The following SYTL3 variants were observed in gnomAD, a reference collection of about 807,000 sequenced individuals.
The protein encoded by SYTL3 is synaptotagmin-like protein 3.
Under a neutral mutation model 82.1 loss-of-function variants are expected in SYTL3, and 88 were observed. That is an observed-to-expected ratio of 1.07 (90% CI 0.90 to 1.28). The LOEUF (loss-of-function observed/expected upper bound fraction) is 1.28, where lower values mean the gene tolerates loss of function less well. SYTL3 is among the 50% of genes most tolerant of loss of function. The pLI is 0.00. For synonymous variants in SYTL3, 311 were observed against 289.4 expected, an observed-to-expected ratio of 1.07 and a Z score of -0.76; for missense variants, 831 against 757.6, an observed-to-expected ratio of 1.10 and a Z score of -1.14.
chr6:158,738,351 AAAG>A (rs2128500834), intron 11 of SYTL3, among the ~76,000 whole-genome samples: 1 of 152,316 alleles, frequency 6.6e-6, no homozygotes, highest in East Asian at 1.9e-4. Context: ...CCAAGAAAGA[AAAG>A]AATCAGTTTG....
At chr6:158,682,800 A>G in intron 5 of SYTL3, 125 bp from the exon 6 acceptor site, 1 of 671,378 alleles carries the variant, frequency 1.5e-6, no homozygotes, top group Non-Finnish European at 2.6e-6. Flanking sequence ...TTAAGCCAGG[A>G]AATTGATTGC....
At position 158,661,366 on chromosome 6, in the gene SYTL3, T is replaced by A. The variant is rs1789356409; in HGVS notation, c.-539T>A. The A allele has an allele frequency of 6.6e-6, 1 of 152,210 alleles. No individual in the cohort carries two copies. Among genetic ancestry groups the A allele is most frequent in the African/African-American group, 2.4e-5 (1 of 41,442 alleles). 9.4% of individuals were successfully genotyped at this position (152,210 alleles called of 1,614,324 possible). A position where few individuals can be genotyped will look rare whatever the true frequency, so the allele number is the denominator to read the frequency against. ...AGAGGCGTTGCCCCTGCTGGCATAG[T>A]CAGGTACCAGCCCAGCCAGGTAAGA... On this transcript the variant is annotated 5_prime_UTR_variant, in exon 3 of 18. Transcript: ENST00000611299.
At chr6:158,720,368 T>A (rs1424729216) in intron 10 of SYTL3, among the ~76,000 whole-genome samples, 1 of 136,114 alleles carries the variant, frequency 7.3e-6, no homozygotes, top group East Asian at 2.1e-4. Context: ...CGTACTGTTA[T>A]ACGCTCCAGC....
intron 2 of SYTL3, among the ~76,000 whole-genome samples, chr6:158,655,816 A>T (rs1288088982): frequency 6.6e-6 from 1 of 152,212 alleles, no homozygotes; most frequent in Non-Finnish European, 1.5e-5. Context: ...GCCCATCATC[A>T]GCTCAACAGC....
chr6:158,745,494 C>G lies in SYTL3; in HGVS notation c.870C>G (p.Ser290Arg), dbSNP rs763749419. The G allele has an allele frequency of 1.2e-6, 2 of 1,608,374 alleles. No homozygotes were observed. The highest frequency in any genetic ancestry group is 1.7e-6 in the Non-Finnish European group (2 of 1,178,636). Residue 290 changes from serine (S) to arginine (R), a missense_variant, in exon 12 of 18, where the codon AGC becomes AGG. Physicochemically the swap from Ser to Arg is moderately radical, Grantham distance 110 (BLOSUM62 -1). Transcript: ENST00000611299. ...CTTGATTTCAGGGAAGTTTAATTAG[C>G]ATTGACAGCACCTGTACAGAGATGG... ...SGGFRHGSLI[S>R]IDSTCTEMGN...
intron 11 of SYTL3, among the ~76,000 whole-genome samples, chr6:158,729,570 T>C (rs1014454962): frequency 4.0e-5 from 6 of 148,614 alleles, no homozygotes; most frequent in Non-Finnish European, 7.5e-5. Context: ...CTTTTTCTTT[T>C]TTTTTTTTTT....
chr6:158,756,598 G>A (rs999585243), intron 13 of SYTL3, among the ~76,000 whole-genome samples: 4 of 151,828 alleles, frequency 2.6e-5, no homozygotes, highest in African/African-American at 9.7e-5. Flanking sequence ...TATAGTCCCA[G>A]CTACTCAGGA....
chr6:158,664,001 C>T (rs894220695), intron 4 of SYTL3, among the ~76,000 whole-genome samples: 3 of 152,246 alleles, frequency 2.0e-5, no homozygotes, highest in South Asian at 4.1e-4. Context: ...TTTAGAAAAG[C>T]GTGCTGAACT....
intron 4 of SYTL3, among the ~76,000 whole-genome samples, chr6:158,663,915 T>C (rs565574888): frequency 1.3e-5 from 2 of 152,122 alleles, no homozygotes; most frequent in Non-Finnish European, 2.9e-5. Flanking sequence ...TTAGCCTGTT[T>C]CCTGACCGCT....
At chr6:158,745,815 A>T (rs1787565640) in intron 12 of SYTL3, among the ~76,000 whole-genome samples, 157 bp downstream of exon 12, 1 of 152,174 alleles carries the variant, frequency 6.6e-6, no homozygotes, top group South Asian at 2.1e-4. Flanking sequence ...CAATGCAAAC[A>T]ATGTGTTATT....
chr6:158,734,655 C>G (rs373989702), intron 11 of SYTL3, among the ~76,000 whole-genome samples: 7 of 152,170 alleles, frequency 4.6e-5, no homozygotes, highest in East Asian at 1.9e-4. Context: ...CCACTCCCCC[C>G]ACCTGCTCTA....
At chr6:158,666,902 G>A (rs1278178054) in intron 5 of SYTL3, among the ~76,000 whole-genome samples, 1 of 152,194 alleles carries the variant, frequency 6.6e-6, no homozygotes, top group Non-Finnish European at 1.5e-5. Flanking sequence ...GTGCCAAGTC[G>A]CACGGACGGT....
intron 5 of SYTL3, among the ~76,000 whole-genome samples, chr6:158,681,081 A>C (rs12524377): frequency 0.15 from 23,486 of 152,268 alleles, 2,139 homozygotes; most frequent in South Asian, 0.28. Context: ...ATAGAAGAGA[A>C]TCAGTCATGA....
At chr6:158,740,923 T>C (rs1307106008) in intron 11 of SYTL3, among the ~76,000 whole-genome samples, 3 of 152,210 alleles carry the variant, frequency 2.0e-5, no homozygotes, top group Non-Finnish European at 2.9e-5. Flanking sequence ...AATGAACTCT[T>C]GGAAAGCATT....
intron 6 of SYTL3, among the ~76,000 whole-genome samples, chr6:158,702,797 T>A (rs1429154420): frequency 6.6e-6 from 1 of 152,024 alleles, no homozygotes; most frequent in African/African-American, 2.4e-5. Flanking sequence ...AAATCCGTTT[T>A]GTCACTTGTA....
At chr6:158,660,190 A>G (rs1397970699) in intron 2 of SYTL3, among the ~76,000 whole-genome samples, 3 of 152,080 alleles carry the variant, frequency 2.0e-5, no homozygotes, top group Non-Finnish European at 2.9e-5. Flanking sequence ...GCTTGAACCC[A>G]GGAGGCGGAG....
At chr6:158,702,050 G>A (rs1016047025) in intron 6 of SYTL3, among the ~76,000 whole-genome samples, 3 of 152,084 alleles carry the variant, frequency 2.0e-5, no homozygotes, top group East Asian at 3.9e-4. Flanking sequence ...ATAGCTCACT[G>A]TAGCCTGTCA....
At chr6:158,739,996 T>TA (rs2128503920) in intron 11 of SYTL3, among the ~76,000 whole-genome samples, 1 of 135,208 alleles carries the variant, frequency 7.4e-6, no homozygotes, top group African/African-American at 2.6e-5. Flanking sequence ...GCAACTTACT[T>TA]TTTTTTTTTT....
At chr6:158,695,216 A>G (rs1035284874) in intron 6 of SYTL3, among the ~76,000 whole-genome samples, 1 of 152,212 alleles carries the variant, frequency 6.6e-6, no homozygotes, top group African/African-American at 2.4e-5. Context: ...AATTTACAGA[A>G]AAAGTTTGCT....
Sources: allele counts gnomAD v4.1 joint callset (sites outside exome capture counted in the v4.1 genomes callset), GRCh38; gene constraint gnomAD v4.1.1; transcripts MANE v1.5; gene names NCBI Gene and HGNC (gene_info 2026-07-23, HGNC 2026-07-21).